LRBA: variants seen among roughly 807,000 people sequenced by gnomAD.
LRBA encodes LPS responsive beige-like anchor protein, also known as lipopolysaccharide-responsive and beige-like anchor protein.
LRBA carries 176 observed loss-of-function variants against 330.0 expected under a neutral mutation model. The observed-to-expected ratio is 0.53, with a 90% CI of 0.47 to 0.60. The LOEUF is 0.60. Among genes scored for constraint, LRBA ranks in the 20% least tolerant of loss-of-function variants. The probability of loss-of-function intolerance (pLI) is 0.00; values close to 1 mark genes in which losing one functional copy is unlikely to be tolerated. For synonymous variants in LRBA, 1,230 were observed against 1,193.0 expected (o/e 1.03, Z -0.64); for missense variants, 3,259 against 3,444.8 (o/e 0.95, Z 1.35).
chr4:150,306,841 A>C (rs181474335), intron 52 of LRBA, among the ~76,000 whole-genome samples: 205 of 152,294 alleles, frequency 1.3e-3, no homozygotes, highest in African/African-American at 4.8e-3. Flanking sequence ...GCTACATTTA[A>C]AATTTAAAAA....
intron 40 of LRBA, among the ~76,000 whole-genome samples, chr4:150,492,175 G>GA (rs34558110): frequency 0.63 from 85,042 of 135,370 alleles, 27,897 homozygotes; most frequent in Non-Finnish European, 0.74. Flanking sequence ...TAGTTTTTTT[G>GA]AAAAAAAAAA....
chr4:150,436,900 A>G, intron 44 of LRBA, 36 bp from the exon 45 acceptor site: 59 of 1,595,088 alleles, frequency 3.7e-5, no homozygotes, highest in Non-Finnish European at 5.0e-5. Context: ...AGAATACATC[A>G]ATGTAATCAT....
intron 42 of LRBA, among the ~76,000 whole-genome samples, chr4:150,474,263 C>T (rs1756469022): frequency 1.3e-5 from 2 of 152,088 alleles, no homozygotes; most frequent in Admixed American, 1.3e-4. Flanking sequence ...ACCTTTGCTG[C>T]AAAACAATTG....
chr4:150,374,177 C>T lies in LRBA; in HGVS notation c.7195-24018G>A, dbSNP rs560553491. ...TTATGTACGGATGAAACGTTTCTCC[C>T]TCTATGAGAGTGAACTATTGTGGCA... On this transcript the variant is annotated intron_variant, in intron 47 of 56. Coordinates refer to ENST00000651943, the MANE Select transcript of LRBA (RefSeq NM_001364905.1). Among the ~76,000 whole-genome samples, 5 of 152,304 alleles carry T rather than the reference C, an allele frequency of 3.3e-5. No homozygotes were observed. The East Asian group carries it at 9.6e-4, about 29-fold the overall frequency.
chr4:151,004,566 G>A (rs568076290), intron 2 of LRBA, among the ~76,000 whole-genome samples: 4 of 152,284 alleles, frequency 2.6e-5, no homozygotes, highest in Admixed American at 1.3e-4. Flanking sequence ...CATGGTTAAC[G>A]GAAGGTAATA....
At chr4:150,660,968 G>A (rs1217575248) in intron 37 of LRBA, among the ~76,000 whole-genome samples, 131 of 116,494 alleles carry the variant, frequency 1.1e-3, no homozygotes, top group Non-Finnish European at 1.8e-3. Context: ...GAAAACCAGA[G>A]ACCTTTGTTC....
chr4:150,665,793 A>G (rs768109802), intron 37 of LRBA, among the ~76,000 whole-genome samples: 2 of 152,200 alleles, frequency 1.3e-5, no homozygotes, highest in South Asian at 2.1e-4. Flanking sequence ...TTCATCTGCC[A>G]CAATTCAATA....
At chr4:150,661,234 G>A (rs909107541) in intron 37 of LRBA, among the ~76,000 whole-genome samples, 7 of 151,708 alleles carry the variant, frequency 4.6e-5, no homozygotes, top group Admixed American at 4.6e-4. Context: ...AATTTGGGAG[G>A]CTGAGGCGGG....
intron 36 of LRBA, among the ~76,000 whole-genome samples, chr4:150,702,881 C>T (rs557579522): frequency 7.3e-4 from 111 of 152,282 alleles, no homozygotes; most frequent in Non-Finnish European, 1.2e-3. Context: ...AAATTCCGGC[C>T]GGGCATGGTG....
rs201332506 is a variant in LRBA at position 150,477,285 on chromosome 4, G to A, written c.6552-5546C>T. On this transcript the variant is annotated intron_variant, in intron 42 of 56. Transcript: ENST00000651943. ...CCACCCAAATATCATGTCAAATTGT[G>A]TATTAGTCCACTCTCACACTGCTAT... 2.4e-4 allele frequency among the ~76,000 whole-genome samples: 37 copies of A among 152,194 alleles called. No homozygotes were observed. The East Asian group carries it at 6.6e-3, about 27-fold the overall frequency.
intron 2 of LRBA, among the ~76,000 whole-genome samples, chr4:150,956,969 A>T (rs1737609162): frequency 6.7e-6 from 1 of 149,098 alleles, no homozygotes; most frequent in South Asian, 2.1e-4. Flanking sequence ...ATATACACAC[A>T]CATATACACA....
intron 37 of LRBA, among the ~76,000 whole-genome samples, chr4:150,667,293 C>T (rs141560941): frequency 3.9e-5 from 6 of 152,052 alleles, no homozygotes; most frequent in Admixed American, 6.6e-5. Context: ...GGATTAACTT[C>T]GTTGGGCATG....
At chr4:150,775,983 T>C (rs528013984) in intron 34 of LRBA, among the ~76,000 whole-genome samples, 1 of 152,238 alleles carries the variant, frequency 6.6e-6, no homozygotes, top group African/African-American at 2.4e-5. Context: ...GTACATTTTT[T>C]AGCTCTGGCA....
intron 36 of LRBA, among the ~76,000 whole-genome samples, chr4:150,685,573 A>G (rs1582041624): frequency 6.7e-6 from 1 of 149,510 alleles, no homozygotes; most frequent in South Asian, 2.1e-4. Context: ...AGCTGGGACT[A>G]CAGGTGCACG....
rs189063041 is a variant in LRBA at position 150,774,193 on chromosome 4, G to A, written c.5581-12346C>T. Among the ~76,000 whole-genome samples, 671 of 152,186 alleles carry A rather than the reference G, an allele frequency of 4.4e-3. 8 individuals are homozygous for A. The highest frequency in any genetic ancestry group is 0.015 in the African/African-American group (640 of 41,520). On this transcript the variant is annotated intron_variant, in intron 34 of 56. Transcript: ENST00000651943. ...TAAAAATTGCATCCAACCAGATGAG[G>A]ATACAACAGACACATTCTTCCACTA...
chr4:150,505,082 C>G (rs1339452111), intron 40 of LRBA, among the ~76,000 whole-genome samples: 1 of 152,148 alleles, frequency 6.6e-6, no homozygotes, highest in Non-Finnish European at 1.5e-5. Flanking sequence ...AAAGCAAGTC[C>G]TTAGTGACCT....
At chr4:150,768,674 T>C (rs796508968) in intron 34 of LRBA, among the ~76,000 whole-genome samples, 4 of 152,180 alleles carry the variant, frequency 2.6e-5, no homozygotes, top group African/African-American at 9.6e-5. Context: ...CCCAGACATA[T>C]AGATTTTCTC....
intron 37 of LRBA, among the ~76,000 whole-genome samples, chr4:150,651,870 T>C (rs1439974708): frequency 2.0e-5 from 3 of 152,094 alleles, no homozygotes; most frequent in Non-Finnish European, 2.9e-5. Context: ...TGATGATTGA[T>C]TGATTGATTT....
chr4:150,455,681 A>T (rs1328525838), intron 44 of LRBA, among the ~76,000 whole-genome samples: 1 of 152,068 alleles, frequency 6.6e-6, no homozygotes, highest in African/African-American at 2.4e-5. Flanking sequence ...TTATATTTTT[A>T]ATTATTTTTA....
Sources: gnomAD v4.1 joint callset for allele counts (sites outside exome capture counted in the v4.1 genomes callset) on GRCh38, gnomAD v4.1.1 for gene constraint, MANE v1.5 for transcripts, NCBI Gene and HGNC (gene_info 2026-07-23, HGNC 2026-07-21) for gene names.